Variants in PDGFD observed in about 807,000 individuals in gnomAD.
The protein encoded by PDGFD is platelet-derived growth factor D.
A neutral mutation model predicts 44.7 loss-of-function variants in PDGFD; 30 were observed. The observed-to-expected ratio is 0.67, with a 90% CI of 0.50 to 0.91. The LOEUF (loss-of-function observed/expected upper bound fraction) is 0.91, where lower values mean the gene tolerates loss of function less well. Among genes scored for constraint, PDGFD ranks in the 40% least tolerant of loss-of-function variants. The probability of loss-of-function intolerance (pLI) is 0.00; values close to 1 mark genes in which losing one functional copy is unlikely to be tolerated. For synonymous variants in PDGFD, 173 were observed against 168.4 expected, an observed-to-expected ratio of 1.03 and a Z score of -0.21; for missense variants, 445 against 457.8, an observed-to-expected ratio of 0.97 and a Z score of 0.25.
At chr11:103,991,984 T>C (rs949105574) in intron 3 of PDGFD, among the ~76,000 whole-genome samples, 1 of 152,210 alleles carries the variant, frequency 6.6e-6, no homozygotes, top group Admixed American at 6.5e-5. Flanking sequence ...ATCTACTCAG[T>C]AGTCTTCTCA....
chr11:104,145,491 T>G (rs1389712487), intron 1 of PDGFD, among the ~76,000 whole-genome samples: 2 of 152,210 alleles, frequency 1.3e-5, no homozygotes, highest in East Asian at 3.8e-4. Context: ...TGCAAGTCTT[T>G]AAGTATGTCT....
chr11:104,082,848 T>C (rs1189663526), intron 1 of PDGFD, among the ~76,000 whole-genome samples: 1 of 152,070 alleles, frequency 6.6e-6, no homozygotes, highest in Non-Finnish European at 1.5e-5. Flanking sequence ...CCAACTCCTG[T>C]CTTAAAGTGA....
chr11:103,910,659 C>A (rs1317926781), intron 6 of PDGFD, among the ~76,000 whole-genome samples: 1 of 152,220 alleles, frequency 6.6e-6, no homozygotes, highest in East Asian at 1.9e-4. Context: ...GTTTCAAGCA[C>A]AAAACTGGGC....
intron 1 of PDGFD, among the ~76,000 whole-genome samples, chr11:104,099,327 T>C (rs2134443397): frequency 6.6e-6 from 1 of 152,288 alleles, no homozygotes; most frequent in East Asian, 1.9e-4. Context: ...AATTACTAAA[T>C]TACTGTTATG....
intron 5 of PDGFD, among the ~76,000 whole-genome samples, chr11:103,938,252 G>C (rs1179883132): frequency 6.6e-6 from 1 of 152,128 alleles, no homozygotes; most frequent in African/African-American, 2.4e-5. Context: ...CATTCTAACT[G>C]GTGTGAGATG....
At chr11:103,962,624 A>G (rs1180397302) in intron 3 of PDGFD, among the ~76,000 whole-genome samples, 1 of 152,208 alleles carries the variant, frequency 6.6e-6, no homozygotes, top group Non-Finnish European at 1.5e-5. Flanking sequence ...AAAAGATTTG[A>G]TAATCACCAT....
At chr11:103,968,764 C>A (rs1175996920) in intron 3 of PDGFD, among the ~76,000 whole-genome samples, 1 of 152,160 alleles carries the variant, frequency 6.6e-6, no homozygotes, top group Non-Finnish European at 1.5e-5. Context: ...CAGCATTATA[C>A]TACCCATGTA....
chr11:104,069,163 GTCTT>G (rs1410210094), intron 1 of PDGFD, among the ~76,000 whole-genome samples: 2 of 152,252 alleles, frequency 1.3e-5, no homozygotes, highest in Admixed American at 1.3e-4. Flanking sequence ...GCGTTTCTGA[GTCTT>G]TCTCTTTCAC....
chr11:104,123,580 T>C (rs951140481), intron 1 of PDGFD, among the ~76,000 whole-genome samples: 2 of 152,078 alleles, frequency 1.3e-5, no homozygotes, highest in Non-Finnish European at 2.9e-5. Context: ...GTCAATAATA[T>C]CCTGAAGCCA....
intron 3 of PDGFD, among the ~76,000 whole-genome samples, chr11:103,956,807 G>A (rs550328227): frequency 6.6e-6 from 1 of 152,224 alleles, no homozygotes; most frequent in East Asian, 1.9e-4. Context: ...TTTCTCTGAT[G>A]GCCAGTGATG....
chr11:103,999,252 G>A (rs1859583156), intron 2 of PDGFD, among the ~76,000 whole-genome samples: 1 of 151,994 alleles, frequency 6.6e-6, no homozygotes, highest in African/African-American at 2.4e-5. Flanking sequence ...CCGCTGAAAG[G>A]ATTTAGCAGT....
chr11:104,055,871 G>A (rs150779378), intron 1 of PDGFD, among the ~76,000 whole-genome samples: 1,749 of 151,972 alleles, frequency 0.012, 21 homozygotes, highest in African/African-American at 0.039. Context: ...CTTCATATAA[G>A]GAGAAAAACA....
intron 3 of PDGFD, among the ~76,000 whole-genome samples, chr11:103,970,497 T>C (rs1859087629): frequency 6.6e-6 from 1 of 152,144 alleles, no homozygotes; most frequent in South Asian, 2.1e-4. Context: ...AGTGCATTGA[T>C]AAGACAGAAA....
At chr11:104,148,501 T>A (rs7940550) in intron 1 of PDGFD, among the ~76,000 whole-genome samples, 68,074 of 151,898 alleles carry the variant, frequency 0.45, 15,347 homozygotes, top group East Asian at 0.61. Flanking sequence ...GATTTAGTAT[T>A]ATAAAAATTT....
At chr11:103,965,977 G>T (rs11226094) in intron 3 of PDGFD, among the ~76,000 whole-genome samples, 2 of 152,070 alleles carry the variant, frequency 1.3e-5, no homozygotes, top group Non-Finnish European at 2.9e-5. Flanking sequence ...GGCACTGGGG[G>T]CCCCTGCCTT....
At chr11:103,979,224 T>C (rs190395617) in intron 3 of PDGFD, among the ~76,000 whole-genome samples, 264 of 152,234 alleles carry the variant, frequency 1.7e-3, no homozygotes, top group Non-Finnish European at 3.3e-3. Flanking sequence ...CTTTAGGTTC[T>C]GTTGCTTTTA....
chr11:103,944,832 A>G (rs1437175064), intron 4 of PDGFD, among the ~76,000 whole-genome samples: 1 of 152,214 alleles, frequency 6.6e-6, no homozygotes, highest in Non-Finnish European at 1.5e-5. Context: ...TAAAGCATTA[A>G]TCTACCATTG....
At chr11:104,069,489 C>T (rs1055757566) in intron 1 of PDGFD, among the ~76,000 whole-genome samples, 1 of 152,170 alleles carries the variant, frequency 6.6e-6, no homozygotes, top group African/African-American at 2.4e-5. Context: ...TGTGAGTATA[C>T]ACTTCTTAAA....
chr11:103,947,529 G>T, intron 4 of PDGFD, 133 bp downstream of exon 4: 1 of 688,004 alleles, frequency 1.5e-6, no homozygotes, highest in Middle Eastern at 2.5e-4. Flanking sequence ...GAATGAAATG[G>T]AGAAACACAT....
Sources: gnomAD v4.1 joint callset for allele counts (sites outside exome capture counted in the v4.1 genomes callset) on GRCh38, gnomAD v4.1.1 for gene constraint, MANE v1.5 for transcripts, NCBI Gene and HGNC (gene_info 2026-07-23, HGNC 2026-07-21) for gene names.